Variants in TCERG1 observed in about 807,000 individuals in gnomAD.
TCERG1 encodes transcription elongation regulator 1.
In TCERG1, 37 loss-of-function variants were observed where a neutral mutation model predicts 144.7. The ratio of observed to expected loss-of-function variants is 0.26; its 90% CI spans 0.20 to 0.34. TCERG1 has a LOEUF of 0.34. TCERG1 is among the 10% of genes least tolerant of loss of function. The pLI is 1.00. For missense variants in TCERG1, 1,027 were observed against 1,380.7 expected (o/e 0.74, Z 4.06); for synonymous variants, 492 against 458.2 (o/e 1.07, Z -0.94).
Position 146,498,794 on chromosome 5 carries a change from T to G in TCERG1, c.2433+108T>G, listed in dbSNP as rs1767167242. The G allele has an allele frequency of 3.5e-6, 4 of 1,154,446 alleles. No homozygotes were observed. In the South Asian group the frequency reaches 8.3e-5, roughly 24 times the overall value. 71.5% of individuals were successfully genotyped at this position (1,154,446 alleles called of 1,614,324 possible). A position where few individuals can be genotyped will look rare whatever the true frequency, so the allele number is the denominator to read the frequency against. ...ATTCATTGGCATAAATAATAGGACG[T>G]ACATGGACTGTTCTTTTAAGTTAAC... On this transcript the variant is annotated intron_variant, in intron 17 of 22. Coordinates refer to ENST00000679501, the MANE Select transcript of TCERG1 (RefSeq NM_001382548.1).
In TCERG1 at chr5:146,507,529, C is replaced by A. The variant is rs986313874; in HGVS notation, c.2961+322C>A. 10 of 331,184 alleles carry A rather than the reference C, an allele frequency of 3.0e-5. No individual in the cohort carries two copies. The highest frequency in any genetic ancestry group is 5.4e-5 in the Non-Finnish European group (10 of 185,056). The allele number at this position is 331,184 out of a possible 1,614,324, so 20.5% of individuals were successfully genotyped here. On this transcript the variant is annotated intron_variant, in intron 20 of 22. Coordinates refer to ENST00000679501, the MANE Select transcript of TCERG1 (RefSeq NM_001382548.1). The surrounding 1 kb of genome is among the most constrained non-coding windows in gnomAD (Gnocchi z 4.6). Reference sequence around the variant, plus strand: ...CAATTTGGTACTATGGCCTCTTGTTCGGCAGTTTGTACGCTTTGTTATCCA... The same window carrying A: ...CAATTTGGTACTATGGCCTCTTGTTAGGCAGTTTGTACGCTTTGTTATCCA...
chr5:146,459,138 TCAGGCA>T lies in TCERG1; in HGVS notation c.696_701del (p.Ala241_Gln242del). ...CCCAAGCCCAGGCCCAGGCTCAGGC[TCAGGCA>T]CAAGCTCAGGCCCAGGCCCAGGCTC... On this transcript the variant is annotated inframe_deletion, in exon 4 of 23. Coordinates refer to ENST00000679501, the MANE Select transcript of TCERG1 (RefSeq NM_001382548.1). The T allele has an allele frequency of 6.3e-7, 1 of 1,599,654 alleles. No individual in the cohort carries two copies. The highest frequency in any genetic ancestry group is 1.7e-4 in the Middle Eastern group (1 of 6,018).
At chr5:146,491,838 G>C (rs771467199) in intron 15 of TCERG1, among the ~76,000 whole-genome samples, 1 of 152,200 alleles carries the variant, frequency 6.6e-6, no homozygotes, top group Non-Finnish European at 1.5e-5. Flanking sequence ...TAAGTGTCAA[G>C]TACCTGTAGA....
intron 16 of TCERG1, among the ~76,000 whole-genome samples, chr5:146,493,989 G>A (rs559485264): frequency 1.3e-5 from 2 of 152,112 alleles, no homozygotes; most frequent in South Asian, 2.1e-4. Context: ...TAAGAAGAAT[G>A]TTTAATATAG....
At position 146,510,437 on chromosome 5, in the gene TCERG1, T is replaced by A. The variant is rs748650031; in HGVS notation, c.3147-4T>A. On this transcript the variant is annotated splice_region_variant and splice_polypyrimidine_tract_variant and intron_variant, in intron 22 of 22. Transcript: ENST00000679501. ...AATTCTTGGACTTCTTTTTCTTATT[T>A]CAGATCCAAAAAATTAATCCAAGAA... The A allele has an allele frequency of 1.9e-6, 3 of 1,610,282 alleles. No homozygotes were observed. The African/African-American group carries it at 4.0e-5, about 22-fold the overall frequency.
At chr5:146,498,450 C>G in intron 16 of TCERG1, 86 bp from the exon 17 acceptor site, 1 of 1,417,388 alleles carries the variant, frequency 7.1e-7, no homozygotes, top group African/African-American at 1.4e-5. Context: ...GTCATATACT[C>G]TTGTTGGAAA....
In TCERG1 at chr5:146,481,099, ATTGT is replaced by A. The variant is rs1214440616; in HGVS notation, c.1887-45_1887-42del. On this transcript the variant is annotated intron_variant, in intron 12 of 22. Coordinates refer to ENST00000679501, the MANE Select transcript of TCERG1 (RefSeq NM_001382548.1). ...ATGTTAAACTTTTAGGTTGTTTTTA[ATTGT>A]TTGTTCTTATAGACAACTCTGTAAG... The A allele has an allele frequency of 7.5e-6, 7 of 932,932 alleles. No homozygotes were observed. In the African/African-American group the frequency reaches 8.9e-5, roughly 12 times the overall value. The allele number at this position is 932,932 out of a possible 1,614,324, so 57.8% of individuals were successfully genotyped here. A position where few individuals can be genotyped will look rare whatever the true frequency, so the allele number is the denominator to read the frequency against.
rs921862221 is a variant in TCERG1, at chr5:146,507,377, A to G, written c.2961+170A>G. On this transcript the variant is annotated intron_variant, in intron 20 of 22. Transcript: ENST00000679501. The surrounding 1 kb of genome is among the most constrained non-coding windows in gnomAD (Gnocchi z 4.6). ...AATTATGGTATTCTTATTTATTTAG[A>G]AATGCCTATTCTTTGCAGTTTTCAC... The G allele has an allele frequency of 1.6e-6, 1 of 617,492 alleles. No homozygotes were observed. Among genetic ancestry groups the G allele is most frequent in the Non-Finnish European group, 2.6e-6 (1 of 387,394 alleles). 38.3% of individuals were successfully genotyped at this position (617,492 alleles called of 1,614,324 possible). A position where few individuals can be genotyped will look rare whatever the true frequency, so the allele number is the denominator to read the frequency against.
intron 1 of TCERG1, among the ~76,000 whole-genome samples, chr5:146,450,543 G>A (rs1762262212): frequency 6.6e-6 from 1 of 152,130 alleles, no homozygotes; most frequent in Admixed American, 6.5e-5. Context: ...AAACAGTAAT[G>A]ATAGCTAATA....
intron 16 of TCERG1, among the ~76,000 whole-genome samples, chr5:146,493,874 C>T (rs563249202): frequency 2.3e-4 from 35 of 152,020 alleles, no homozygotes; most frequent in African/African-American, 8.4e-4. Flanking sequence ...CTAAAACTGT[C>T]GGGTAGCATC....
intron 9 of TCERG1, 81 bp from the exon 10 acceptor site, chr5:146,478,412 A>C: frequency 7.2e-7 from 1 of 1,398,526 alleles, no homozygotes; most frequent in Non-Finnish European, 9.4e-7. Flanking sequence ...TCATCTCCCT[A>C]CTTGTAACAG....
At chr5:146,510,320 A>T in intron 22 of TCERG1, 121 bp from the exon 23 acceptor site, 1 of 257,288 alleles carries the variant, frequency 3.9e-6, no homozygotes, top group Non-Finnish European at 5.6e-6. Flanking sequence ...ATTTTTCTTA[A>T]AAAAAAAAAA....
intron 15 of TCERG1, among the ~76,000 whole-genome samples, chr5:146,488,424 T>C (rs1426396117): frequency 1.3e-5 from 2 of 152,136 alleles, no homozygotes; most frequent in Admixed American, 6.5e-5. Context: ...GGGCAGATGA[T>C]CTGAACAGAC....
chr5:146,449,414 A>C (rs1315463655), intron 1 of TCERG1, among the ~76,000 whole-genome samples: 1 of 152,232 alleles, frequency 6.6e-6, no homozygotes, highest in Admixed American at 6.5e-5. Flanking sequence ...TGTAAATGAA[A>C]TCAACCACAT....
intron 22 of TCERG1, 97 bp downstream of exon 22, chr5:146,509,342 A>G: frequency 1.2e-6 from 1 of 812,254 alleles, no homozygotes; most frequent in Middle Eastern, 2.3e-4. Context: ...ACATGTTGAC[A>G]TTATTAATTT....
At chr5:146,472,959 C>T (rs550725685) in intron 9 of TCERG1, among the ~76,000 whole-genome samples, 11 of 152,196 alleles carry the variant, frequency 7.2e-5, no homozygotes, top group Admixed American at 6.5e-4. Flanking sequence ...GTGATCCGCC[C>T]ACCTTGGCCT....
At chr5:146,493,172 C>G (rs935103039) in intron 16 of TCERG1, 134 bp downstream of exon 16, 2 of 611,672 alleles carry the variant, frequency 3.3e-6, no homozygotes, top group Non-Finnish European at 5.5e-6. Flanking sequence ...CGGTTTTTGC[C>G]AAAATTTCTA....
In TCERG1 at chr5:146,483,535, T is replaced by C. The variant is rs375806790; in HGVS notation, c.2074-5T>C. On this transcript the variant is annotated splice_region_variant and splice_polypyrimidine_tract_variant and intron_variant, in intron 14 of 22. Transcript: ENST00000679501. ...ATTATGAGGCAATACGTTTTTATTT[T>C]AAAGGTGTCTGCTTTTTCAACGTGG... The C allele has an allele frequency of 3.7e-6, 6 of 1,609,808 alleles. No individual in the cohort carries two copies. The highest frequency in any genetic ancestry group is 5.1e-6 in the Non-Finnish European group (6 of 1,178,284).
At chr5:146,486,577 C>G (rs999689767) in intron 15 of TCERG1, among the ~76,000 whole-genome samples, 2 of 152,164 alleles carry the variant, frequency 1.3e-5, no homozygotes, top group African/African-American at 2.4e-5. Context: ...AGCTTTTCCT[C>G]TAAGAACTGG....
Sources: gnomAD v4.1 joint callset for allele counts (sites outside exome capture counted in the v4.1 genomes callset) on GRCh38, gnomAD v4.1.1 for gene constraint, Gnocchi (gnomAD v3.1) non-coding constraint, MANE v1.5 for transcripts, NCBI Gene and HGNC (gene_info 2026-07-23, HGNC 2026-07-21) for gene names.